KCNMB4: variants seen among roughly 807,000 people sequenced by gnomAD.
KCNMB4 encodes the protein calcium-activated potassium channel subunit beta-4.
In KCNMB4, 3 loss-of-function variants were observed where a neutral mutation model predicts 20.7. The observed-to-expected ratio is 0.14, with a 90% CI of 0.07 to 0.37. The LOEUF (loss-of-function observed/expected upper bound fraction) is 0.37. Among genes scored for constraint, KCNMB4 ranks in the 10% least tolerant of loss-of-function variants. The pLI is 1.00. For missense variants in KCNMB4, 168 were observed against 265.9 expected, an observed-to-expected ratio of 0.63 and a Z score of 2.56; for synonymous variants, 110 against 113.4, an observed-to-expected ratio of 0.97 and a Z score of 0.19.
chr12:70,434,119 G>C lies in KCNMB4; in HGVS notation c.*3466G>C, dbSNP rs1429856915. ...ATGGGTGCCTCCTCCTTTGGCCCCA[G>C]CAGGAAGTTCAAATCACGCAAGCCC... On this transcript the variant is annotated 3_prime_UTR_variant, in exon 3 of 3. Transcript: ENST00000258111. 1 of 152,248 alleles carries C rather than the reference G, an allele frequency of 6.6e-6. No homozygotes were observed. Among genetic ancestry groups the C allele is most frequent in the East Asian group, 1.9e-4 (1 of 5,188 alleles). The allele number at this position is 152,248 out of a possible 1,614,324, so 9.4% of individuals were successfully genotyped here. A position where few individuals can be genotyped will look rare whatever the true frequency, so the allele number is the denominator to read the frequency against.
At chr12:70,405,600 A>C (rs1406138914) in intron 2 of KCNMB4, among the ~76,000 whole-genome samples, 1 of 152,240 alleles carries the variant, frequency 6.6e-6, no homozygotes, top group African/African-American at 2.4e-5. Flanking sequence ...AATTAAAAGT[A>C]GAACTACTGT....
intron 2 of KCNMB4, among the ~76,000 whole-genome samples, chr12:70,408,139 A>G (rs932667726): frequency 6.6e-6 from 1 of 150,474 alleles, no homozygotes; most frequent in Non-Finnish European, 1.5e-5. Flanking sequence ...GGGGTGGTCT[A>G]TCACAGCCCA....
chr12:70,390,128 A>G (rs1403756561), intron 1 of KCNMB4, among the ~76,000 whole-genome samples: 3 of 152,200 alleles, frequency 2.0e-5, no homozygotes, highest in Non-Finnish European at 4.4e-5. Flanking sequence ...ATCAAAACTG[A>G]TCATAGGCTT....
At position 70,432,812 on chromosome 12, in the gene KCNMB4, C is replaced by T. The variant is rs1869403833; in HGVS notation, c.*2159C>T. On this transcript the variant is annotated 3_prime_UTR_variant, in exon 3 of 3. Coordinates refer to ENST00000258111, the MANE Select transcript of KCNMB4 (RefSeq NM_014505.6). The stretch of plus-strand genomic sequence containing the variant: ...ATCACATTATGGGAGACGAAGTCTG[C>T]TTTATCCATTTTATCTTTATTCAGT... 1.3e-5 allele frequency: 2 copies of T among 152,038 alleles called. No individual in the cohort carries two copies. Among genetic ancestry groups the T allele is most frequent in the Admixed American group, 1.3e-4 (2 of 15,256 alleles). 9.4% of individuals were successfully genotyped at this position (152,038 alleles called of 1,614,324 possible).
intron 2 of KCNMB4, among the ~76,000 whole-genome samples, chr12:70,423,751 A>G (rs1593348647): frequency 6.6e-6 from 1 of 152,176 alleles, no homozygotes; most frequent in African/African-American, 2.4e-5. Context: ...CTGGGATTAC[A>G]GGCATGAACC....
intron 1 of KCNMB4, among the ~76,000 whole-genome samples, chr12:70,385,132 TGAG>T (rs1883866107): frequency 6.6e-6 from 1 of 152,168 alleles, no homozygotes; most frequent in East Asian, 1.9e-4. Context: ...ATTTCACAGA[TGAG>T]GACAGAGTTT....
intron 2 of KCNMB4, among the ~76,000 whole-genome samples, chr12:70,402,396 A>G (rs1464854794): frequency 6.6e-6 from 1 of 151,954 alleles, no homozygotes; most frequent in Admixed American, 6.6e-5. Context: ...TAATCCCAAC[A>G]CCGTGGAAGA....
At chr12:70,367,689 T>A (rs1400967745) in intron 1 of KCNMB4, among the ~76,000 whole-genome samples, 1 of 152,048 alleles carries the variant, frequency 6.6e-6, no homozygotes, top group African/African-American at 2.4e-5. Flanking sequence ...CTAGTTTTCA[T>A]GAAATAGATT....
At chr12:70,397,334 C>G (rs1009049214) in intron 1 of KCNMB4, among the ~76,000 whole-genome samples, 1 of 151,992 alleles carries the variant, frequency 6.6e-6, no homozygotes, top group African/African-American at 2.4e-5. Flanking sequence ...GGTCACAGAG[C>G]AAGTCCTTGA....
chr12:70,420,394 T>G (rs938790852), intron 2 of KCNMB4, among the ~76,000 whole-genome samples: 5 of 152,086 alleles, frequency 3.3e-5, no homozygotes, highest in African/African-American at 4.8e-5. Flanking sequence ...AATGCAATCA[T>G]GGGATACTTA....
intron 1 of KCNMB4, among the ~76,000 whole-genome samples, chr12:70,395,726 C>A (rs1374892697): frequency 6.6e-6 from 1 of 152,160 alleles, no homozygotes; most frequent in Non-Finnish European, 1.5e-5. Context: ...TTCAAAAAAT[C>A]TTTTTCGAAA....
In KCNMB4 at chr12:70,393,663, A is replaced by T. The variant is rs550093619; in HGVS notation, c.337-6546A>T. On this transcript the variant is annotated intron_variant, in intron 1 of 2. Transcript: ENST00000258111. ...CCAAAAATCCAGATATCATATCAAC[A>T]TATGATAGTAAATTCTAACTAAAAA... Among the ~76,000 whole-genome samples the T allele has an allele frequency of 7.9e-5, 12 of 152,334 alleles. No homozygotes were observed. The East Asian group carries it at 2.1e-3, about 27-fold the overall frequency.
intron 1 of KCNMB4, among the ~76,000 whole-genome samples, chr12:70,374,031 A>G (rs912758116): frequency 1.1e-4 from 16 of 152,216 alleles, no homozygotes; most frequent in African/African-American, 3.6e-4. Context: ...GCTATGATCT[A>G]TCTGTCTGAG....
At chr12:70,429,666 CAAA>C (rs11320039) in intron 2 of KCNMB4, among the ~76,000 whole-genome samples, 69 of 117,156 alleles carry the variant, frequency 5.9e-4, no homozygotes, top group Admixed American at 5.4e-4. Flanking sequence ...GACTCCATCT[CAAA>C]AAAAAAAAAA....
chr12:70,430,450 C>G, intron 2 of KCNMB4, 35 bp from the exon 3 acceptor site: 1 of 1,608,872 alleles, frequency 6.2e-7, no homozygotes, highest in Non-Finnish European at 8.5e-7. Flanking sequence ...AGGCATTTGA[C>G]TGCCCTTTCT....
At position 70,431,434 on chromosome 12, in the gene KCNMB4, T is replaced by TA. The variant is rs1415790628; in HGVS notation, c.*787dup. The TA allele has an allele frequency of 6.6e-6, 1 of 152,050 alleles. No homozygotes were observed. The highest frequency in any genetic ancestry group is 1.5e-5 in the Non-Finnish European group (1 of 68,032). The allele number at this position is 152,050 out of a possible 1,614,324, so 9.4% of individuals were successfully genotyped here. ...CTGTTCTTGTTGTTTTTGACGGAGT[T>TA]AAAAAAGTTTGTGTGCAATACAATA... On this transcript the variant is annotated 3_prime_UTR_variant, in exon 3 of 3. Transcript: ENST00000258111.
intron 2 of KCNMB4, among the ~76,000 whole-genome samples, chr12:70,408,285 T>A (rs1163601712): frequency 1.3e-5 from 2 of 152,178 alleles, no homozygotes; most frequent in Non-Finnish European, 2.9e-5. Context: ...CCTGGTGCCA[T>A]CTACTCTTAG....
intron 1 of KCNMB4, among the ~76,000 whole-genome samples, chr12:70,384,688 C>A (rs1883855428): frequency 6.6e-6 from 1 of 152,048 alleles, no homozygotes; most frequent in Non-Finnish European, 1.5e-5. Context: ...AGTTTGAGGC[C>A]AGCCTAGACA....
intron 1 of KCNMB4, among the ~76,000 whole-genome samples, chr12:70,376,167 C>T (rs1207620148): frequency 1.4e-5 from 2 of 138,064 alleles, no homozygotes; most frequent in Admixed American, 7.1e-5. Context: ...AAAAAAAAAC[C>T]AACAAATTAG....
Sources: allele counts gnomAD v4.1 joint callset (sites outside exome capture counted in the v4.1 genomes callset), GRCh38; gene constraint gnomAD v4.1.1; transcripts MANE v1.5; gene names NCBI Gene and HGNC (gene_info 2026-07-23, HGNC 2026-07-21).